OTOGL: variants seen among roughly 807,000 people sequenced by gnomAD.
The protein encoded by OTOGL is otogelin-like protein.
OTOGL carries 285 observed loss-of-function variants against 318.5 expected under a neutral mutation model. That is an observed-to-expected ratio of 0.89 (90% confidence interval 0.81 to 0.99). The LOEUF (loss-of-function observed/expected upper bound fraction) is 0.99. Among genes scored for constraint, OTOGL ranks in the 50% least tolerant of loss-of-function variants. The pLI, the probability that OTOGL is intolerant of heterozygous loss-of-function variation, is 0.00. For synonymous variants in OTOGL, 987 were observed against 936.5 expected (o/e 1.05, Z -0.99); for missense variants, 2,899 against 2,845.6 (o/e 1.02, Z -0.43).
chr12:80,357,174 G>A (rs1889959777), intron 49 of OTOGL, among the ~76,000 whole-genome samples: 1 of 152,018 alleles, frequency 6.6e-6, no homozygotes, highest in South Asian at 2.1e-4. Flanking sequence ...TTTAAATAAG[G>A]CCAATACCTT....
intron 1 of OTOGL, among the ~76,000 whole-genome samples, chr12:80,121,043 T>G (rs950951852): frequency 6.6e-6 from 1 of 152,206 alleles, no homozygotes; most frequent in Non-Finnish European, 1.5e-5. Context: ...CCGAGCTCCT[T>G]GCTTCAATTC....
chr12:80,238,441 T>C (rs1880057601), intron 9 of OTOGL, among the ~76,000 whole-genome samples: 1 of 152,194 alleles, frequency 6.6e-6, no homozygotes, highest in Non-Finnish European at 1.5e-5. Flanking sequence ...TTCTTACTAA[T>C]ATTAAATATA....
chr12:80,349,682 A>G (rs910547550), intron 44 of OTOGL, among the ~76,000 whole-genome samples: 1 of 152,196 alleles, frequency 6.6e-6, no homozygotes, highest in African/African-American at 2.4e-5. Flanking sequence ...GCTATTAATG[A>G]CTAAAGCAAG....
chr12:80,377,913 T>G lies in OTOGL; in HGVS notation c.6927T>G (p.Ser2309Arg). ...SATIYNINIE[S>R]HLRFCKCCRE... ...CCATATATAACATCAATATTGAAAG[T>G]CACCTAAGATTCTGCAAGTGTTGTC... The change falls in exon 59 of 59, where the codon AGT (serine) becomes AGG (arginine). Residue 2309 changes from serine (S) to arginine (R), a missense_variant. Physicochemically the swap from Ser to Arg is moderately radical, Grantham distance 110. This residue lies in a region of OTOGL where 289 missense variants were observed against 304.6 expected (regional missense o/e 0.95). Transcript: ENST00000547103. 1 of 1,611,268 alleles carries G rather than the reference T, an allele frequency of 6.2e-7. No individual in the cohort carries two copies. Among genetic ancestry groups the G allele is most frequent in the Non-Finnish European group, 8.5e-7 (1 of 1,178,342 alleles).
intron 1 of OTOGL, among the ~76,000 whole-genome samples, chr12:80,184,833 G>A (rs891878733): frequency 1.4e-4 from 22 of 152,064 alleles, no homozygotes; most frequent in African/African-American, 5.1e-4. Flanking sequence ...AAAAATAAAC[G>A]TGGCTCCTTG....
intron 4 of OTOGL, 106 bp from the exon 5 acceptor site, chr12:80,217,492 T>G (rs992013430): frequency 2.5e-6 from 2 of 791,726 alleles, no homozygotes; most frequent in African/African-American, 3.5e-5. Context: ...AAGTCAGCAC[T>G]TTATCATTTC....
intron 28 of OTOGL, among the ~76,000 whole-genome samples, chr12:80,305,248 T>G (rs1024448732): frequency 3.3e-5 from 5 of 152,218 alleles, no homozygotes; most frequent in African/African-American, 9.6e-5. Context: ...TACATTTGCA[T>G]ACACATACAC....
chr12:80,155,420 C>T (rs968527120), intron 1 of OTOGL, among the ~76,000 whole-genome samples: 1 of 152,024 alleles, frequency 6.6e-6, no homozygotes, highest in South Asian at 2.1e-4. Context: ...TTATGGTTTC[C>T]CATTTTACAA....
chr12:80,240,334 A>G (rs1462152893), intron 11 of OTOGL, among the ~76,000 whole-genome samples: 1 of 152,112 alleles, frequency 6.6e-6, no homozygotes, highest in Non-Finnish European at 1.5e-5. Context: ...AAGCATTTTT[A>G]TGCCGTGAAT....
intron 46 of OTOGL, among the ~76,000 whole-genome samples, chr12:80,355,224 C>CTTTTTTTTTTTTTTTTTT (rs11343611): frequency 4.6e-5 from 3 of 65,594 alleles, no homozygotes; most frequent in Non-Finnish European, 8.9e-5. Context: ...TTCTTTCTTT[C>CTTTTTTTTTTTTTTTTTT]TTTTCTTTTT....
At chr12:80,287,057 C>T (rs1327247504) in intron 26 of OTOGL, among the ~76,000 whole-genome samples, 1 of 148,272 alleles carries the variant, frequency 6.7e-6, no homozygotes, top group African/African-American at 2.7e-5. Flanking sequence ...TGCCTCTAAA[C>T]ACTGCTTTAG....
Position 80,318,548 on chromosome 12 carries a change from C to A in OTOGL, c.3637C>A (p.Leu1213Ile). Residue 1213 changes from leucine to isoleucine, a missense_variant and splice_region_variant, in exon 33 of 59, where the codon CTT becomes ATT. Physicochemically the swap from Leu to Ile is conservative, Grantham distance 5. Coordinates refer to ENST00000547103, the MANE Select transcript of OTOGL (RefSeq NM_001378609.3). ...TTCTAATATTTATATTTAACTAGGACTTGGAGAAGGACCATATATGCTGGC... is the reference window on the plus strand; with the variant it reads ...TTCTAATATTTATATTTAACTAGGAATTGGAGAAGGACCATATATGCTGGC... ...SLDCEYYNEG[L>I]GEGPYMLASY... The A allele has an allele frequency of 7.7e-7, 1 of 1,300,558 alleles. No homozygotes were observed. The highest frequency in any genetic ancestry group is 9.9e-7 in the Non-Finnish European group (1 of 1,013,166). 80.6% of individuals were successfully genotyped at this position (1,300,558 alleles called of 1,614,324 possible).
chr12:80,352,922 T>C (rs1056181429), intron 45 of OTOGL, among the ~76,000 whole-genome samples: 1 of 152,220 alleles, frequency 6.6e-6, no homozygotes, highest in African/African-American at 2.4e-5. Context: ...ATACAACATT[T>C]TTCTTTTTTA....
intron 1 of OTOGL, among the ~76,000 whole-genome samples, chr12:80,206,391 T>C (rs1876810258): frequency 1.3e-5 from 2 of 152,224 alleles, no homozygotes; most frequent in Non-Finnish European, 2.9e-5. Context: ...ATTCTCCTTT[T>C]CTAACATTTT....
At chr12:80,102,997 T>C (rs1436003672) in intron 1 of OTOGL, 2 of 923,254 alleles carry the variant, frequency 2.2e-6, no homozygotes, top group African/African-American at 1.6e-5. Context: ...TTGCTGTCTT[T>C]GTCCAGTTTT....
chr12:80,141,247 G>A (rs976732264), intron 1 of OTOGL, among the ~76,000 whole-genome samples: 1 of 152,070 alleles, frequency 6.6e-6, no homozygotes, highest in African/African-American at 2.4e-5. Flanking sequence ...GTAAGCCGTG[G>A]CATTATCTTT....
At chr12:80,307,855 GCCGGGCGGGGGGCTGA>G (rs1245865354) in intron 29 of OTOGL, among the ~76,000 whole-genome samples, 2 of 139,430 alleles carry the variant, frequency 1.4e-5, no homozygotes, top group Non-Finnish European at 3.0e-5. Flanking sequence ...AGGGCGGCTG[GCCGGGCGGGGGGCTGA>G]CCCCCCCACC....
intron 30 of OTOGL, among the ~76,000 whole-genome samples, chr12:80,311,163 G>A (rs764880818): frequency 3.9e-4 from 60 of 152,194 alleles, no homozygotes; most frequent in Middle Eastern, 3.4e-3. Flanking sequence ...TAGAAATTTC[G>A]TTTTCAAAAT....
intron 50 of OTOGL, 144 bp downstream of exon 50, chr12:80,358,493 C>T: frequency 1.2e-6 from 1 of 834,406 alleles, no homozygotes; most frequent in Admixed American, 2.7e-5. Context: ...TCTTTTTGTA[C>T]CTGTTTATAT....
Sources: allele counts gnomAD v4.1 joint callset (sites outside exome capture counted in the v4.1 genomes callset), GRCh38; gene constraint gnomAD v4.1.1; regional missense constraint gnomAD v4.1.1; transcripts MANE v1.5; gene names NCBI Gene and HGNC (gene_info 2026-07-23, HGNC 2026-07-21).